EYA2: variants seen among roughly 807,000 people sequenced by gnomAD.
EYA2 encodes protein phosphatase EYA2.
A neutral mutation model predicts 69.2 loss-of-function variants in EYA2; 31 were observed. The observed-to-expected ratio is 0.45, with a 90% CI of 0.34 to 0.60. The LOEUF is 0.60. EYA2 is among the 20% of genes least tolerant of loss of function. EYA2 has a pLI of 0.02. For missense variants in EYA2, 622 were observed against 701.2 expected, an observed-to-expected ratio of 0.89 and a Z score of 1.28; for synonymous variants, 257 against 279.4, an observed-to-expected ratio of 0.92 and a Z score of 0.80.
At chr20:47,136,726 G>C (rs6066213) in intron 9 of EYA2, among the ~76,000 whole-genome samples, 43,367 of 150,026 alleles carry the variant, frequency 0.29, 7,403 homozygotes, top group Non-Finnish European at 0.39. Flanking sequence ...CTGGGTGACA[G>C]GGGAGACCCT....
intron 9 of EYA2, among the ~76,000 whole-genome samples, chr20:47,128,480 G>A (rs2033255247): frequency 6.6e-6 from 1 of 151,050 alleles, no homozygotes; most frequent in African/African-American, 2.4e-5. Context: ...TAAACATGTT[G>A]TTTGTTTCAT....
chr20:47,023,215 A>G (rs995003256), intron 5 of EYA2, among the ~76,000 whole-genome samples: 2 of 152,240 alleles, frequency 1.3e-5, no homozygotes, highest in Non-Finnish European at 2.9e-5. Flanking sequence ...TTTTGCAAAC[A>G]TAAGTAAAAT....
chr20:46,978,525 G>A (rs763720249), intron 1 of EYA2: 22 of 532,864 alleles, frequency 4.1e-5, no homozygotes, highest in African/African-American at 2.3e-4. Context: ...AAAGGCCAGC[G>A]TGCTGGAATC....
intron 8 of EYA2, 143 bp downstream of exon 8, chr20:47,089,524 T>C (rs1027971043): frequency 2.0e-6 from 2 of 988,246 alleles, no homozygotes; most frequent in Admixed American, 2.8e-5. Flanking sequence ...AAGCATGAGG[T>C]TGTCCAAGCA....
chr20:47,066,580 G>A (rs1038578315), intron 5 of EYA2, among the ~76,000 whole-genome samples: 3 of 152,148 alleles, frequency 2.0e-5, no homozygotes, highest in Non-Finnish European at 2.9e-5. Context: ...GCATATCCAA[G>A]ATGGCCCCAT....
intron 8 of EYA2, among the ~76,000 whole-genome samples, chr20:47,090,918 G>A (rs1445990128): frequency 1.3e-5 from 2 of 152,044 alleles, no homozygotes; most frequent in African/African-American, 4.8e-5. Context: ...TATCAAGGGA[G>A]GAAAATGAGC....
At chr20:47,063,555 CAG>C (rs2146457714) in intron 5 of EYA2, among the ~76,000 whole-genome samples, 1 of 152,220 alleles carries the variant, frequency 6.6e-6, no homozygotes, top group East Asian at 1.9e-4. Flanking sequence ...ACAAAAGAAT[CAG>C]AGGCTACTCC....
rs1392427984 is a variant in EYA2 at position 47,172,578 on chromosome 20, C to A, written c.1038-129C>A. 4 of 842,480 alleles carry A rather than the reference C, an allele frequency of 4.7e-6. No homozygotes were observed. The South Asian group carries it at 7.5e-5, about 16-fold the overall frequency. 52.2% of individuals were successfully genotyped at this position (842,480 alleles called of 1,614,324 possible). A position where few individuals can be genotyped will look rare whatever the true frequency, so the allele number is the denominator to read the frequency against. ...CCCCCAAATGCACACTCGCAGCACC[C>A]TGTGCATTTCGAGGGGCTCATGGAC... is the stretch of plus-strand genomic sequence containing the variant. On this transcript the variant is annotated intron_variant, in intron 11 of 15. Transcript: ENST00000327619.
At chr20:47,172,625 T>C (rs1354314062) in intron 11 of EYA2, 82 bp from the exon 12 acceptor site, 2 of 1,468,790 alleles carry the variant, frequency 1.4e-6, no homozygotes, top group Admixed American at 2.2e-5. Context: ...CACCCGTGGG[T>C]CCCACAGAGC....
intron 1 of EYA2, among the ~76,000 whole-genome samples, chr20:46,983,994 G>A (rs6094537): frequency 0.016 from 2,470 of 152,170 alleles, 30 homozygotes; most frequent in African/African-American, 0.028. Flanking sequence ...AAGCTATCCC[G>A]TCGTAGCTGG....
intron 9 of EYA2, among the ~76,000 whole-genome samples, chr20:47,133,594 G>A (rs1038142429): frequency 9.9e-5 from 15 of 152,282 alleles, no homozygotes; most frequent in African/African-American, 3.4e-4. Flanking sequence ...ACAAGGCTCA[G>A]AGAAGCTGTT....
chr20:46,911,247 G>C (rs201389270), intron 1 of EYA2, among the ~76,000 whole-genome samples: 5 of 152,020 alleles, frequency 3.3e-5, no homozygotes, highest in African/African-American at 1.2e-4. Context: ...GTGTGTGTGT[G>C]TGTGTGTGTG....
intron 7 of EYA2, among the ~76,000 whole-genome samples, chr20:47,088,619 G>A (rs1359258845): frequency 2.0e-5 from 3 of 152,118 alleles, no homozygotes; most frequent in South Asian, 2.1e-4. Flanking sequence ...AAGAGGCCTC[G>A]CTCTGTTATC....
At chr20:46,942,425 G>T (rs911180849) in intron 1 of EYA2, among the ~76,000 whole-genome samples, 1 of 151,890 alleles carries the variant, frequency 6.6e-6, no homozygotes, top group Non-Finnish European at 1.5e-5. Context: ...ACCATTTTTA[G>T]GGGGGGAAAA....
At chr20:46,996,151 A>G (rs1312364828) in intron 2 of EYA2, among the ~76,000 whole-genome samples, 1 of 152,228 alleles carries the variant, frequency 6.6e-6, no homozygotes, top group Non-Finnish European at 1.5e-5. Flanking sequence ...CATGGTGTGT[A>G]TCCTCGGGTA....
Position 47,125,865 on chromosome 20 carries a change from G to A in EYA2, c.889-17194G>A, listed in dbSNP as rs73309688. ...TTGGATAGTGTGATGGTTTTGATGTGTTTTGTGTGTTTGTGTGTGTTTTTT... is the reference window on the plus strand; with the variant it reads ...TTGGATAGTGTGATGGTTTTGATGTATTTTGTGTGTTTGTGTGTGTTTTTT... On this transcript the variant is annotated intron_variant, in intron 9 of 15. Transcript: ENST00000327619. 7.6e-3 allele frequency among the ~76,000 whole-genome samples: 1,153 copies of A among 151,756 alleles called. 16 individuals carry two copies. Among genetic ancestry groups the A allele is most frequent in the African/African-American group, 0.026 (1,096 of 41,366 alleles).
chr20:47,139,331 G>T (rs949785068), intron 9 of EYA2, among the ~76,000 whole-genome samples: 1 of 152,202 alleles, frequency 6.6e-6, no homozygotes, highest in Non-Finnish European at 1.5e-5. Flanking sequence ...AATATATATG[G>T]AAAACAGCAG....
intron 5 of EYA2, among the ~76,000 whole-genome samples, chr20:47,046,255 C>T (rs2030033019): frequency 6.6e-6 from 1 of 152,226 alleles, no homozygotes; most frequent in Non-Finnish European, 1.5e-5. Flanking sequence ...ATGACCAAAT[C>T]ACCTCCCAAA....
chr20:47,007,739 A>G (rs1461861476), intron 4 of EYA2, among the ~76,000 whole-genome samples: 1 of 151,786 alleles, frequency 6.6e-6, no homozygotes, highest in East Asian at 1.9e-4. Flanking sequence ...CCTCACCCTC[A>G]TGAGTAGCTG....
Sources: allele counts gnomAD v4.1 joint callset (sites outside exome capture counted in the v4.1 genomes callset), GRCh38; gene constraint gnomAD v4.1.1; transcripts MANE v1.5; gene names NCBI Gene and HGNC (gene_info 2026-07-23, HGNC 2026-07-21).